Variants in RNF125 observed in about 807,000 individuals in gnomAD.
RNF125 encodes E3 ubiquitin-protein ligase RNF125.
RNF125 carries 21 observed loss-of-function variants against 26.0 expected under a neutral mutation model. The observed-to-expected ratio is 0.81, with a 90% CI of 0.57 to 1.16. RNF125 has a LOEUF of 1.16. Among genes scored for constraint, RNF125 ranks in the 50% most tolerant of loss-of-function variants. RNF125 has a pLI of 0.00. For synonymous variants in RNF125, 95 were observed against 109.2 expected (o/e 0.87, Z 0.81); for missense variants, 270 against 299.4 (o/e 0.90, Z 0.72).
At chr18:32,036,968 G>GT in intron 1 of RNF125, 148 bp from the exon 2 acceptor site, 1 of 640,744 alleles carries the variant, frequency 1.6e-6, no homozygotes, top group Non-Finnish European at 2.7e-6. Flanking sequence ...TTCTCGGGAA[G>GT]TGCAGGGTGC....
At chr18:32,025,132 G>A (rs2039021137) in intron 1 of RNF125, among the ~76,000 whole-genome samples, 1 of 152,104 alleles carries the variant, frequency 6.6e-6, no homozygotes, top group Non-Finnish European at 1.5e-5. Flanking sequence ...TATGAACTTC[G>A]AAAAACATTT....
At chr18:32,019,392 G>C (rs570726542) in intron 1 of RNF125, among the ~76,000 whole-genome samples, 4 of 152,206 alleles carry the variant, frequency 2.6e-5, no homozygotes, top group Admixed American at 2.6e-4. Context: ...GGCACGGAAA[G>C]GAAACGAGCT....
chr18:32,018,918 G>A lies in RNF125; in HGVS notation c.55G>A (p.Ala19Thr). 1.9e-6 allele frequency: 3 copies of A among 1,609,416 alleles called. No individual in the cohort carries two copies. The change falls in exon 1 of 6, where the codon GCG becomes ACG. Residue 19 changes from alanine (A) to threonine (T), a missense_variant. Coordinates refer to ENST00000217740, the MANE Select transcript of RNF125 (RefSeq NM_017831.4). ...SGKSAPASAT[A>T]RALERRRDPE... ...CAAATCGGCGCCCGCCTCTGCCACC[G>A]CGCGGGCCCTGGAGCGCAGGAGGGA...
intron 4 of RNF125, among the ~76,000 whole-genome samples, chr18:32,059,592 T>C (rs993729613): frequency 6.6e-6 from 1 of 152,168 alleles, no homozygotes; most frequent in African/African-American, 2.4e-5. Flanking sequence ...CTTTATTGAT[T>C]GTTTCCTTTG....
intron 3 of RNF125, among the ~76,000 whole-genome samples, chr18:32,043,999 T>TTTTTC (rs556420277): frequency 2.5e-4 from 38 of 151,406 alleles, no homozygotes; most frequent in Middle Eastern, 3.4e-3. Context: ...TGGGTTTTTT[T>TTTTTC]TTTTCTTTTC....
rs994135904 is a variant in RNF125 at position 32,069,734 on chromosome 18, A to G, written c.*1350A>G. The G allele has an allele frequency of 2.0e-5, 3 of 152,168 alleles. No individual in the cohort carries two copies. The highest frequency in any genetic ancestry group is 4.4e-5 in the Non-Finnish European group (3 of 68,038). The allele number at this position is 152,168 out of a possible 1,614,324, so 9.4% of individuals were successfully genotyped here. ...TTAATATTATCAATTTAAAGTTGTT[A>G]TTAAATGTATATTTTATTTTACATC... On this transcript the variant is annotated 3_prime_UTR_variant, in exon 6 of 6. Transcript: ENST00000217740.
At chr18:32,085,567 G>A in the RNF125 span, among the ~76,000 whole-genome samples, 5 of 151,388 alleles carry the variant, frequency 3.3e-5, no homozygotes, top group Non-Finnish European at 5.9e-5. Flanking sequence ...CGGGTGTGGC[G>A]GCGGGTGCCT....
chr18:32,040,251 A>G (rs1316169704), intron 2 of RNF125, among the ~76,000 whole-genome samples: 1 of 145,360 alleles, frequency 6.9e-6, no homozygotes, highest in African/African-American at 2.5e-5. Context: ...CCAGTTCCCT[A>G]TATCAAACAA....
At chr18:32,043,498 G>A (rs1401918282) in intron 3 of RNF125, among the ~76,000 whole-genome samples, 2 of 152,156 alleles carry the variant, frequency 1.3e-5, no homozygotes, top group East Asian at 1.9e-4. Context: ...ATTATTATAG[G>A]ATTAGCTTTA....
chr18:32,046,583 C>T (rs1164997224), intron 4 of RNF125, among the ~76,000 whole-genome samples: 3 of 122,304 alleles, frequency 2.5e-5, no homozygotes, highest in Non-Finnish European at 3.2e-5. Context: ...AGCGACAGAG[C>T]GAGACTCTGT....
intron 1 of RNF125, among the ~76,000 whole-genome samples, chr18:32,025,627 G>A (rs1212590589): frequency 3.0e-5 from 4 of 134,838 alleles, no homozygotes; most frequent in Non-Finnish European, 6.1e-5. Context: ...TGGCGCCACT[G>A]CACTCTAGCC....
At chr18:32,020,021 T>A (rs1394741092) in intron 1 of RNF125, among the ~76,000 whole-genome samples, 5 of 92,784 alleles carry the variant, frequency 5.4e-5, no homozygotes, top group Admixed American at 2.2e-4. Flanking sequence ...TGTGTGTGTG[T>A]GTGTGTGTGT....
chr18:32,075,354 T>TC (rs1207597146), downstream of RNF125, among the ~76,000 whole-genome samples: 1 of 152,110 alleles, frequency 6.6e-6, no homozygotes, highest in Non-Finnish European at 1.5e-5. Flanking sequence ...GGTCAGGAGT[T>TC]CGAGACCAGC....
At chr18:32,037,309 T>G in intron 2 of RNF125, 40 bp downstream of exon 2, 1 of 1,364,610 alleles carries the variant, frequency 7.3e-7, no homozygotes, top group East Asian at 2.7e-5. Context: ...GTTACCAGCT[T>G]AAGTCCCTGC....
intron 4 of RNF125, among the ~76,000 whole-genome samples, chr18:32,065,531 C>A (rs1439821375): frequency 6.6e-6 from 1 of 151,854 alleles, no homozygotes; most frequent in Non-Finnish European, 1.5e-5. Flanking sequence ...CCACTGCACC[C>A]CGTCTTGTTT....
the RNF125 span, among the ~76,000 whole-genome samples, chr18:32,079,689 T>C: frequency 9.8e-5 from 15 of 152,346 alleles, no homozygotes; most frequent in South Asian, 2.1e-4. Flanking sequence ...GAATAATGTC[T>C]TCAAGCCAGA....
chr18:32,019,163 T>C (rs990215287), intron 1 of RNF125, 136 bp downstream of exon 1: 3 of 1,042,644 alleles, frequency 2.9e-6, no homozygotes, highest in Non-Finnish European at 4.1e-6. Flanking sequence ...CCTGGACCCG[T>C]CGGATGCAGG....
chr18:32,060,510 A>T (rs1350997123), intron 4 of RNF125, among the ~76,000 whole-genome samples: 1 of 152,186 alleles, frequency 6.6e-6, no homozygotes, highest in Non-Finnish European at 1.5e-5. Flanking sequence ...ACAGAGATGA[A>T]GCCAGCATAT....
At chr18:32,020,549 A>G (rs1377029514) in intron 1 of RNF125, among the ~76,000 whole-genome samples, 1 of 151,436 alleles carries the variant, frequency 6.6e-6, no homozygotes, top group South Asian at 2.1e-4. Flanking sequence ...AGTGCACAAC[A>G]TGTTTTTGAG....
Sources: gnomAD v4.1 joint callset for allele counts (sites outside exome capture counted in the v4.1 genomes callset) on GRCh38, gnomAD v4.1.1 for gene constraint, MANE v1.5 for transcripts, NCBI Gene and HGNC (gene_info 2026-07-23, HGNC 2026-07-21) for gene names.